The following MYF6 variants were observed in gnomAD, a reference collection of about 807,000 sequenced individuals.
MYF6 encodes class C basic helix-loop-helix protein 4.
MYF6 carries 20 observed loss-of-function variants against 21.7 expected under a neutral mutation model. The observed-to-expected ratio is 0.92, with a 90% CI of 0.65 to 1.34. The LOEUF is 1.34. Ranked by LOEUF, MYF6 falls within the 40% of genes most tolerant of loss-of-function variation. The pLI is 0.00. For synonymous variants in MYF6, 124 were observed against 124.7 expected, an observed-to-expected ratio of 0.99 and a Z score of 0.04; for missense variants, 320 against 304.1, an observed-to-expected ratio of 1.05 and a Z score of -0.39.
chr12:80,708,599 A>G lies in MYF6; in HGVS notation c.595A>G (p.Ile199Val), dbSNP rs1163960156. The G allele has an allele frequency of 3.7e-6, 6 of 1,614,156 alleles. No homozygotes were observed. The highest frequency in any genetic ancestry group is 5.1e-6 in the Non-Finnish European group (6 of 1,180,002). ...TTCCGATCATTCCAGGGGGCTCGTG[A>G]TAACGGCTAAGGAAGGTAAAGTAAA... ...SVSDHSRGLV[I>V]TAKEGGASID... The change falls in exon 2 of 3, where the codon ATA becomes GTA. Residue 199 changes from isoleucine to valine, a missense_variant. Coordinates refer to ENST00000228641, the MANE Select transcript of MYF6 (RefSeq NM_002469.3).
At chr12:80,708,723 C>A (rs916214301) in intron 2 of MYF6, 109 bp downstream of exon 2, 3 of 1,510,576 alleles carry the variant, frequency 2.0e-6, no homozygotes, top group Admixed American at 3.4e-5. Flanking sequence ...GCGAAAAGGG[C>A]GCTCTTTGCG....
chr12:80,708,863 C>A lies in MYF6; in HGVS notation c.632C>A (p.Ser211Ter). ...TCAGGAGGAGCAAGTATTGATTCGT[C>A]AGCCTCGAGTAGCCTTCGATGCCTT... ...AKEGGASIDS[S>*]ASSSLRCLSS... The change falls in exon 3 of 3, where the codon TCA becomes TAA. Residue 211 changes from serine to a stop codon, truncating the protein, a stop_gained. Transcript: ENST00000228641. LOFTEE classifies it high-confidence loss of function. 1 of 1,614,200 alleles carries A rather than the reference C, an allele frequency of 6.2e-7. No homozygotes were observed. Among genetic ancestry groups the A allele is most frequent in the South Asian group, 1.1e-5 (1 of 91,088 alleles).
Position 80,709,184 on chromosome 12 carries a change from T to C in MYF6, c.*224T>C, listed in dbSNP as rs762867854. 4.3e-5 allele frequency: 23 copies of C among 536,736 alleles called. No individual in the cohort carries two copies. The highest frequency in any genetic ancestry group is 7.0e-5 in the Non-Finnish European group (21 of 298,258). 33.2% of individuals were successfully genotyped at this position (536,736 alleles called of 1,614,324 possible). On this transcript the variant is annotated 3_prime_UTR_variant, in exon 3 of 3. Transcript: ENST00000228641. Reference sequence around the variant, plus strand: ...CTTTCGGCTTTGGGCTTTTATTTTTTTGGAACTGCGAGTGGCTTAGGTCTA... The same window carrying C: ...CTTTCGGCTTTGGGCTTTTATTTTTCTGGAACTGCGAGTGGCTTAGGTCTA...
chr12:80,708,179 CAGG>C lies in MYF6; in HGVS notation c.463_465del (p.Glu155del), dbSNP rs1868399398. On this transcript the variant is annotated inframe_deletion, in exon 1 of 3. Transcript: ENST00000228641. ...GGACCTGCTGCACCGGCTGGATCAGCAGGAGAAGATGCAGGAGCTGGGGGTGGA... is the reference window on the plus strand; with the variant it reads ...GGACCTGCTGCACCGGCTGGATCAGCAGAAGATGCAGGAGCTGGGGGTGGA... 1 of 1,613,778 alleles carries C rather than the reference CAGG, an allele frequency of 6.2e-7. No homozygotes were observed. The highest frequency in any genetic ancestry group is 1.6e-4 in the Middle Eastern group (1 of 6,062).
chr12:80,708,442 A>C, intron 1 of MYF6, 82 bp from the exon 2 acceptor site: 1 of 1,470,890 alleles, frequency 6.8e-7, no homozygotes, highest in Non-Finnish European at 9.5e-7. Context: ...CCGAGGAAGC[A>C]GGAAAGCCGC....
Position 80,707,654 on chromosome 12 carries a change from G to C in MYF6, c.-66G>C. On this transcript the variant is annotated 5_prime_UTR_variant, in exon 1 of 3. Coordinates refer to ENST00000228641, the MANE Select transcript of MYF6 (RefSeq NM_002469.3). ...ACTGCACTAATTAAATGCCATCTGG[G>C]TGGTTCCTCTGGGTTTTTGAGTCCA... 1 of 1,586,412 alleles carries C rather than the reference G, an allele frequency of 6.3e-7. No homozygotes were observed. Among genetic ancestry groups the C allele is most frequent in the Non-Finnish European group, 8.7e-7 (1 of 1,155,584 alleles).
In MYF6 at chr12:80,708,042, AAATC is replaced by A. The variant is rs762329820; in HGVS notation, c.326_329del (p.Ile109ThrfsTer7). On this transcript the variant is annotated frameshift_variant, in exon 1 of 3. Coordinates refer to ENST00000228641, the MANE Select transcript of MYF6 (RefSeq NM_002469.3). LOFTEE classifies it high-confidence loss of function. ...CTGCGCGAAAGGAGGAGGCTAAAGAAAATCAACGAGGCCTTCGAGGCACTGAAGC... is the reference window on the plus strand; with the variant it reads ...CTGCGCGAAAGGAGGAGGCTAAAGAAAACGAGGCCTTCGAGGCACTGAAGC... The A allele has an allele frequency of 1.9e-6, 3 of 1,614,060 alleles. No individual in the cohort carries two copies. Among genetic ancestry groups the A allele is most frequent in the Admixed American group, 3.3e-5 (2 of 60,010 alleles).
intron 2 of MYF6, 97 bp downstream of exon 2, chr12:80,708,711 C>G: frequency 6.5e-7 from 1 of 1,528,382 alleles, no homozygotes; most frequent in Non-Finnish European, 9.1e-7. Context: ...GGGACGCGCC[C>G]TGCGAAAAGG....
In MYF6 at chr12:80,709,457, AAG is replaced by A. The variant is rs1382945441; in HGVS notation, c.*499_*500del. 3.9e-5 allele frequency: 6 copies of A among 154,384 alleles called. No individual in the cohort carries two copies. Among genetic ancestry groups the A allele is most frequent in the African/African-American group, 1.4e-4 (6 of 41,460 alleles). 9.6% of individuals were successfully genotyped at this position (154,384 alleles called of 1,614,324 possible). A position where few individuals can be genotyped will look rare whatever the true frequency, so the allele number is the denominator to read the frequency against. ...AGGATCCTGGTATTGTAATATTAAA[AAG>A]AAGTTTCTATATGAACAAAGTTGGT... On this transcript the variant is annotated 3_prime_UTR_variant, in exon 3 of 3. Transcript: ENST00000228641.
intron 2 of MYF6, 60 bp downstream of exon 2, chr12:80,708,674 G>A: frequency 1.3e-6 from 2 of 1,566,200 alleles, no homozygotes; most frequent in Non-Finnish European, 8.8e-7. Context: ...TAGGATGCTT[G>A]GGCCGAGAGG....
Position 80,708,046 on chromosome 12 carries a change from C to T in MYF6, c.327C>T (p.Ile109=). ...GCGAAAGGAGGAGGCTAAAGAAAAT[C>T]AACGAGGCCTTCGAGGCACTGAAGC... The part of the protein sequence containing the change: ...TLRERRRLKK[I]NEAFEALKRR... The change falls in exon 1 of 3, where the codon ATC becomes ATT. Residue 109 remains isoleucine, a synonymous_variant. Coordinates refer to ENST00000228641, the MANE Select transcript of MYF6 (RefSeq NM_002469.3). The T allele has an allele frequency of 6.2e-7, 1 of 1,614,148 alleles. No homozygotes were observed. The highest frequency in any genetic ancestry group is 8.5e-7 in the Non-Finnish European group (1 of 1,180,040).
Position 80,708,535 on chromosome 12 carries a change from G to C in MYF6, c.531G>C (p.Ala177=). The change falls in exon 2 of 3, where the codon GCG becomes GCC. Residue 177 remains alanine, a synonymous_variant. Coordinates refer to ENST00000228641, the MANE Select transcript of MYF6 (RefSeq NM_002469.3). The stretch of plus-strand genomic sequence containing the variant: ...GGTTTTCCCTCCAGCTTGAGGGTGC[G>C]GATTTCCTGCGCACCTGCAGCTCCC... The part of the protein sequence containing the change: ...YRPKQENLEG[A]DFLRTCSSQW... 1 of 1,614,056 alleles carries C rather than the reference G, an allele frequency of 6.2e-7. No homozygotes were observed. Among genetic ancestry groups the C allele is most frequent in the Non-Finnish European group, 8.5e-7 (1 of 1,180,002 alleles).
At position 80,707,824 on chromosome 12, in the gene MYF6, A is replaced by G; in HGVS notation, c.105A>G (p.Pro35=). The change falls in exon 1 of 3, where the codon CCA becomes CCG. Residue 35 remains proline (P), a synonymous_variant. Transcript: ENST00000228641. ...TGGCAGAAGGCTCTCCTTTGTATCC[A>G]GGGAGTGATGGTACCTTGTCCCCCT... ...LEVAEGSPLY[P]GSDGTLSPCQ... 6.2e-7 allele frequency: 1 copy of G among 1,614,180 alleles called. No individual in the cohort carries two copies. The highest frequency in any genetic ancestry group is 8.5e-7 in the Non-Finnish European group (1 of 1,180,030).
chr12:80,709,178 AT>A lies in MYF6; in HGVS notation c.*225del, dbSNP rs1221601865. On this transcript the variant is annotated 3_prime_UTR_variant, in exon 3 of 3. Coordinates refer to ENST00000228641, the MANE Select transcript of MYF6 (RefSeq NM_002469.3). The stretch of plus-strand genomic sequence containing the variant: ...AAACGCCTTTCGGCTTTGGGCTTTT[AT>A]TTTTTTGGAACTGCGAGTGGCTTAG... 7.4e-6 allele frequency: 4 copies of A among 543,980 alleles called. No individual in the cohort carries two copies. The highest frequency in any genetic ancestry group is 6.6e-6 in the Non-Finnish European group (2 of 302,900). 33.7% of individuals were successfully genotyped at this position (543,980 alleles called of 1,614,324 possible). A position where few individuals can be genotyped will look rare whatever the true frequency, so the allele number is the denominator to read the frequency against.
intron 2 of MYF6, 79 bp downstream of exon 2, chr12:80,708,693 C>T: frequency 1.9e-6 from 3 of 1,538,558 alleles, no homozygotes; most frequent in Non-Finnish European, 2.7e-6. Flanking sequence ...GGGCTCGAAG[C>T]GAGAGCAGGG....
chr12:80,708,813 C>A (rs1868421098), intron 2 of MYF6, 29 bp from the exon 3 acceptor site: 1 of 1,595,652 alleles, frequency 6.3e-7, no homozygotes, highest in African/African-American at 1.3e-5. Flanking sequence ...TCTTTGGGTG[C>A]TATGTTTGTG....
In MYF6 at chr12:80,708,923, G is replaced by T; in HGVS notation, c.692G>T (p.Arg231Leu). 6.2e-7 allele frequency: 1 copy of T among 1,614,154 alleles called. No homozygotes were observed. The highest frequency in any genetic ancestry group is 8.5e-7 in the Non-Finnish European group (1 of 1,179,976). Reference sequence around the variant, plus strand: ...GTGGACAGTATTTCCTCGGAGGAACGCAAACTCCCCTGCGTGGAGGAAGTG... The same window carrying T: ...GTGGACAGTATTTCCTCGGAGGAACTCAAACTCCCCTGCGTGGAGGAAGTG... ...SIVDSISSEE[R>L]KLPCVEEVVE... is the part of the protein sequence containing the mutation. Residue 231 changes from arginine to leucine, a missense_variant, in exon 3 of 3, where the codon CGC becomes CTC. Physicochemically the swap from Arg to Leu is moderately radical, Grantham distance 102 (BLOSUM62 -2). Coordinates refer to ENST00000228641, the MANE Select transcript of MYF6 (RefSeq NM_002469.3).
chr12:80,707,917 G>C lies in MYF6; in HGVS notation c.198G>C (p.Pro66=). 3.7e-6 allele frequency: 6 copies of C among 1,614,168 alleles called. No individual in the cohort carries two copies. Among genetic ancestry groups the C allele is most frequent in the Non-Finnish European group, 5.1e-6 (6 of 1,180,026 alleles). Reference sequence around the variant, plus strand: ...GAGAGGAACATGTCCTGGCGCCCCCGGGCCTGCAGCCTCCACACTGCCCCG... The same window carrying C: ...GAGAGGAACATGTCCTGGCGCCCCCCGGCCTGCAGCCTCCACACTGCCCCG... ...SSGEEHVLAP[P]GLQPPHCPGQ... Residue 66 remains proline (P), a synonymous_variant, in exon 1 of 3, where the codon CCG becomes CCC. Coordinates refer to ENST00000228641, the MANE Select transcript of MYF6 (RefSeq NM_002469.3).
rs754636641 is a variant in MYF6, at chr12:80,709,246, T to C, written c.*286T>C. 8.5e-6 allele frequency: 3 copies of C among 353,504 alleles called. No homozygotes were observed. Among genetic ancestry groups the C allele is most frequent in the Non-Finnish European group, 1.6e-5 (3 of 190,292 alleles). The allele number at this position is 353,504 out of a possible 1,614,324, so 21.9% of individuals were successfully genotyped here. ...TTTTTGTTTGGTTGGTTTTATACTA[T>C]ATTAACTTTTATTACGGTGATCCTT... On this transcript the variant is annotated 3_prime_UTR_variant, in exon 3 of 3. Transcript: ENST00000228641.
Sources: allele counts gnomAD v4.1 joint callset, GRCh38; gene constraint gnomAD v4.1.1; transcripts MANE v1.5; gene names NCBI Gene and HGNC (gene_info 2026-07-23, HGNC 2026-07-21).